The following EMC7 variants were observed in gnomAD, a reference collection of about 807,000 sequenced individuals.
The protein encoded by EMC7 is endoplasmic reticulum membrane protein complex subunit 7.
EMC7 carries 4 observed loss-of-function variants against 24.4 expected under a neutral mutation model. That is an observed-to-expected ratio of 0.16 (90% CI 0.08 to 0.38). EMC7 has a LOEUF of 0.38. EMC7 is among the 10% of genes least tolerant of loss of function. The probability of loss-of-function intolerance (pLI) is 1.00; values close to 1 mark genes in which losing one functional copy is unlikely to be tolerated. For missense variants in EMC7, 221 were observed against 300.6 expected (o/e 0.74, Z 1.96); for synonymous variants, 106 against 112.0 (o/e 0.95, Z 0.34).
At chr15:34,101,051 AAAAAAAAAAG>A (rs1174691201) in intron 1 of EMC7, 4 of 40,450 alleles carry the variant, frequency 9.9e-5, no homozygotes, top group Non-Finnish European at 2.7e-4. Flanking sequence ...CCCCCAAGCA[AAAAAAAAAAG>A]AAAAAAAAAG....
intron 1 of EMC7, among the ~76,000 whole-genome samples, chr15:34,096,362 G>C (rs1056554370): frequency 1.3e-5 from 2 of 151,954 alleles, no homozygotes; most frequent in African/African-American, 4.8e-5. Context: ...GTAGAGACGG[G>C]GTTTCACCAT....
chr15:34,093,823 A>ATTTTT (rs753095506), intron 2 of EMC7, among the ~76,000 whole-genome samples: 3 of 48,706 alleles, frequency 6.2e-5, no homozygotes, highest in African/African-American at 2.2e-4. Flanking sequence ...ATATATATAT[A>ATTTTT]TTTTTTTTTT....
chr15:34,093,456 T>A (rs919627989), intron 2 of EMC7, among the ~76,000 whole-genome samples: 1 of 146,046 alleles, frequency 6.8e-6, no homozygotes, highest in Non-Finnish European at 1.5e-5. Flanking sequence ...AAAAAAAAAT[T>A]ATAAGTTGAA....
chr15:34,092,261 TCACACACA>T (rs375005510), intron 2 of EMC7, among the ~76,000 whole-genome samples: 5 of 141,564 alleles, frequency 3.5e-5, no homozygotes, highest in Non-Finnish European at 3.1e-5. Context: ...TGAGACTCCG[TCACACACA>T]CACACACACA....
intron 4 of EMC7, chr15:34,086,307 G>A (rs761396747): frequency 4.0e-6 from 1 of 247,600 alleles, no homozygotes; most frequent in South Asian, 5.6e-5. Flanking sequence ...GGATCTGAGG[G>A]CAGCCATGAT....
intron 3 of EMC7, among the ~76,000 whole-genome samples, chr15:34,088,639 G>A (rs529329490): frequency 9.9e-5 from 15 of 152,002 alleles, no homozygotes; most frequent in Admixed American, 3.3e-4. Context: ...ACACTTCCAC[G>A]GAATTTCAGA....
chr15:34,091,322 C>T (rs1453049827), intron 2 of EMC7, among the ~76,000 whole-genome samples: 1 of 152,074 alleles, frequency 6.6e-6, no homozygotes, highest in Non-Finnish European at 1.5e-5. Flanking sequence ...TCTTAGAGGT[C>T]TGATTTATTT....
chr15:34,093,637 T>A (rs1222967569), intron 2 of EMC7, among the ~76,000 whole-genome samples: 1 of 150,420 alleles, frequency 6.6e-6, no homozygotes, highest in African/African-American at 2.5e-5. Flanking sequence ...AAAAAAATGT[T>A]TAAAGCAGTA....
chr15:34,090,937 A>G (rs1191481397), intron 2 of EMC7, among the ~76,000 whole-genome samples: 1 of 152,260 alleles, frequency 6.6e-6, no homozygotes, highest in Non-Finnish European at 1.5e-5. Flanking sequence ...GCACTGCAGC[A>G]GTGCTATAGG....
rs1392450137 is a variant in EMC7 at position 34,101,691 on chromosome 15, C to T, written c.149G>A (p.Arg50His). Residue 50 changes from arginine (R) to histidine (H), a missense_variant, in exon 1 of 5, where the codon CGT becomes CAT. Arg to His is a conservative substitution (Grantham distance 29, BLOSUM62 0). Coordinates refer to ENST00000256545, the MANE Select transcript of EMC7 (RefSeq NM_020154.3). ...GIGDRFKIEG[R>H]AVVPGVKPQD... ...AGGCTTCACCCCTGGAACAACTGCA[C>T]GCCCCTCAATCTTGAAGCGATCTCC... 1.2e-6 allele frequency: 2 copies of T among 1,613,864 alleles called. No homozygotes were observed. Among genetic ancestry groups the T allele is most frequent in the East Asian group, 2.2e-5 (1 of 44,876 alleles).
chr15:34,100,688 A>G (rs1901160098), intron 1 of EMC7: 1 of 152,192 alleles, frequency 6.6e-6, no homozygotes, highest in Non-Finnish European at 1.5e-5. Flanking sequence ...TTGGATTTAA[A>G]TGTCTACATT....
chr15:34,084,868 G>T (rs192892408), intron 4 of EMC7, among the ~76,000 whole-genome samples: 1 of 151,524 alleles, frequency 6.6e-6, no homozygotes, highest in East Asian at 1.9e-4. Context: ...TTAACATTAG[G>T]TATATCTTCT....
At chr15:34,095,540 A>C (rs1041267994) in intron 2 of EMC7, among the ~76,000 whole-genome samples, 2 of 152,246 alleles carry the variant, frequency 1.3e-5, no homozygotes, top group Middle Eastern at 3.2e-3. Flanking sequence ...TCCCAGTGAA[A>C]AACAGGTGAT....
At chr15:34,084,605 T>C (rs985118816) in intron 4 of EMC7, 119 bp from the exon 5 acceptor site, 17 of 1,051,778 alleles carry the variant, frequency 1.6e-5, no homozygotes, top group African/African-American at 3.2e-5. Context: ...TTCTGAGCAA[T>C]GATGCAACAT....
chr15:34,086,434 CTT>C (rs11341448), intron 4 of EMC7: 67 of 150,938 alleles, frequency 4.4e-4, no homozygotes, highest in Middle Eastern at 3.4e-3. Flanking sequence ...AAGGAATGAA[CTT>C]TTTTTTTTTT....
intron 1 of EMC7, among the ~76,000 whole-genome samples, chr15:34,098,457 CTTTT>C (rs560201784): frequency 7.6e-6 from 1 of 132,320 alleles, no homozygotes. Context: ...TTCTTTCTTT[CTTTT>C]TTTTTTTTTT....
rs1313996303 is a variant in EMC7 at position 34,088,068 on chromosome 15, A to G, written c.561T>C (p.Asp187=). ...VLLPKVVNTS[D]PDMRREMEQS... is the part of the protein sequence containing the mutation. ...ATCATCTTACCCGTCTCATGTCAGG[A>G]TCACTTGTGTTGACCACTTTAGGCA... The change falls in exon 4 of 5, where the codon GAT becomes GAC. Residue 187 remains aspartate, a synonymous_variant. Coordinates refer to ENST00000256545, the MANE Select transcript of EMC7 (RefSeq NM_020154.3). 1.2e-6 allele frequency: 2 copies of G among 1,612,230 alleles called. No individual in the cohort carries two copies. The highest frequency in any genetic ancestry group is 1.7e-6 in the Non-Finnish European group (2 of 1,179,322).
chr15:34,092,924 A>G lies in EMC7; in HGVS notation c.357-2469T>C, dbSNP rs866087134. ...TTTAATACAGCTAACTCACAGAACAACATAGCCTAGCTTAGCCTACCTTAA... is the reference window on the plus strand; with the variant it reads ...TTTAATACAGCTAACTCACAGAACAGCATAGCCTAGCTTAGCCTACCTTAA... On this transcript the variant is annotated intron_variant, in intron 2 of 4. Coordinates refer to ENST00000256545, the MANE Select transcript of EMC7 (RefSeq NM_020154.3). Among the ~76,000 whole-genome samples the G allele has an allele frequency of 2.6e-5, 4 of 152,206 alleles. No homozygotes were observed. In the South Asian group the frequency reaches 8.3e-4, roughly 32 times the overall value.
At chr15:34,089,938 A>G (rs183937015) in intron 3 of EMC7, among the ~76,000 whole-genome samples, 17 of 152,356 alleles carry the variant, frequency 1.1e-4, no homozygotes, top group African/African-American at 3.6e-4. Context: ...CCTGGCCAAC[A>G]AGAGCGAAAC....
Sources: allele counts gnomAD v4.1 joint callset (sites outside exome capture counted in the v4.1 genomes callset), GRCh38; gene constraint gnomAD v4.1.1; transcripts MANE v1.5; gene names NCBI Gene and HGNC (gene_info 2026-07-23, HGNC 2026-07-21).